The following SEPTIN10 variants were observed in gnomAD, a reference collection of about 807,000 sequenced individuals.
SEPTIN10 encodes septin-10.
A neutral mutation model predicts 54.8 loss-of-function variants in SEPTIN10; 66 were observed. The ratio of observed to expected loss-of-function variants is 1.21; its 90% CI spans 0.99 to 1.48. The LOEUF (loss-of-function observed/expected upper bound fraction) is 1.48, where lower values mean the gene tolerates loss of function less well. Among genes scored for constraint, SEPTIN10 ranks in the 40% most tolerant of loss-of-function variants. The probability of loss-of-function intolerance (pLI) is 0.00; values close to 1 mark genes in which losing one functional copy is unlikely to be tolerated. For missense variants in SEPTIN10, 620 were observed against 545.6 expected (o/e 1.14, Z -1.36); for synonymous variants, 161 against 181.0 (o/e 0.89, Z 0.89).
chr2:109,549,833 A>C (rs965647437), intron 9 of SEPTIN10, among the ~76,000 whole-genome samples: 2 of 152,226 alleles, frequency 1.3e-5, no homozygotes, highest in African/African-American at 4.8e-5. Flanking sequence ...CAATGTATGT[A>C]ATAAAAGTTG....
intron 1 of SEPTIN10, among the ~76,000 whole-genome samples, chr2:109,608,318 C>G (rs1698469288): frequency 6.6e-6 from 1 of 152,178 alleles, no homozygotes; most frequent in Non-Finnish European, 1.5e-5. Context: ...TCAATATACT[C>G]CCTACCTAAT....
chr2:109,592,797 G>A (rs542411256), intron 2 of SEPTIN10, among the ~76,000 whole-genome samples: 3 of 150,094 alleles, frequency 2.0e-5, no homozygotes, highest in South Asian at 2.1e-4. Context: ...AAAAGGAAAC[G>A]AAAAAAGAAA....
rs1223635849 is a variant in SEPTIN10, at chr2:109,585,283, A to G, written c.256T>C (p.Leu86=). The change falls in exon 4 of 11, where the codon TTG becomes CTG. Residue 86 remains leucine (L), a synonymous_variant. Transcript: ENST00000397712. ...TAGTCTTCAAAATTAGTATTAAACA[A>G]TGTGTCAATCAGTGTTGATTTTCCA... ...GIGKSTLIDT[L]FNTNFEDYES... The G allele has an allele frequency of 6.2e-7, 1 of 1,610,590 alleles. No homozygotes were observed. Among genetic ancestry groups the G allele is most frequent in the Admixed American group, 1.7e-5 (1 of 59,428 alleles).
intron 2 of SEPTIN10, among the ~76,000 whole-genome samples, chr2:109,587,736 A>G (rs1016860613): frequency 6.6e-6 from 1 of 152,022 alleles, no homozygotes; most frequent in Admixed American, 6.6e-5. Context: ...ACACGGTGAA[A>G]CCCTGTGTCT....
At chr2:109,550,475 G>T (rs1310939885) in intron 9 of SEPTIN10, among the ~76,000 whole-genome samples, 1 of 151,578 alleles carries the variant, frequency 6.6e-6, no homozygotes, top group Non-Finnish European at 1.5e-5. Flanking sequence ...CACCATGCCT[G>T]GCTAATTTTT....
At chr2:109,584,488 A>AG (rs1439136494) in intron 4 of SEPTIN10, among the ~76,000 whole-genome samples, 1 of 151,698 alleles carries the variant, frequency 6.6e-6, no homozygotes, top group African/African-American at 2.4e-5. Context: ...AAAAAAAAAA[A>AG]AAAAAAAAAT....
At chr2:109,607,189 T>C (rs1374915991) in intron 1 of SEPTIN10, among the ~76,000 whole-genome samples, 1 of 152,188 alleles carries the variant, frequency 6.6e-6, no homozygotes, top group African/African-American at 2.4e-5. Context: ...CACAAATAAT[T>C]TGTATTTTCC....
intron 2 of SEPTIN10, among the ~76,000 whole-genome samples, chr2:109,592,806 A>T (rs923214851): frequency 3.9e-5 from 6 of 152,028 alleles, no homozygotes; most frequent in African/African-American, 1.2e-4. Flanking sequence ...CGAAAAAAGA[A>T]ACAGAAAAAA....
In SEPTIN10 at chr2:109,544,214, T is replaced by A. The variant is rs1680578554; in HGVS notation, c.*95A>T. On this transcript the variant is annotated 3_prime_UTR_variant, in exon 11 of 11. Coordinates refer to ENST00000397712, the MANE Select transcript of SEPTIN10 (RefSeq NM_144710.5). ...GGCTGTTCACCAAATATAGAAGTGATAAAACAAATAACAGCAAAATCAAAG... is the reference window on the plus strand; with the variant it reads ...GGCTGTTCACCAAATATAGAAGTGAAAAAACAAATAACAGCAAAATCAAAG... 1 of 1,609,474 alleles carries A rather than the reference T, an allele frequency of 6.2e-7. No homozygotes were observed. Among genetic ancestry groups the A allele is most frequent in the Non-Finnish European group, 8.5e-7 (1 of 1,178,232 alleles).
chr2:109,585,717 G>C lies in SEPTIN10; in HGVS notation c.217+4C>G. 1 of 1,593,284 alleles carries C rather than the reference G, an allele frequency of 6.3e-7. No homozygotes were observed. Among genetic ancestry groups the C allele is most frequent in the South Asian group, 1.1e-5 (1 of 90,636 alleles). ...AACTTAGAGGAAGAGTAGGTGGCAC[G>C]TACCCACACAGAGAATATTAAAGCA... is the stretch of plus-strand genomic sequence containing the variant. On this transcript the variant is annotated splice_donor_region_variant and intron_variant, in intron 3 of 10. Coordinates refer to ENST00000397712, the MANE Select transcript of SEPTIN10 (RefSeq NM_144710.5).
chr2:109,597,047 A>C (rs1223972365), intron 1 of SEPTIN10, among the ~76,000 whole-genome samples: 5 of 152,260 alleles, frequency 3.3e-5, no homozygotes, highest in Admixed American at 2.6e-4. Flanking sequence ...TCCCAAGCTC[A>C]AGCTATCCTC....
chr2:109,565,912 A>G (rs774705965), intron 6 of SEPTIN10, 53 bp from the exon 7 acceptor site: 23 of 1,426,108 alleles, frequency 1.6e-5, no homozygotes, highest in Non-Finnish European at 2.3e-5. Context: ...AACTGACTAG[A>G]TAAAATAAAT....
At chr2:109,589,035 A>T (rs1192334046) in intron 2 of SEPTIN10, among the ~76,000 whole-genome samples, 1 of 151,602 alleles carries the variant, frequency 6.6e-6, no homozygotes, top group African/African-American at 2.4e-5. Context: ...AGTTTAAGTG[A>T]TTCTTCCACC....
intron 2 of SEPTIN10, among the ~76,000 whole-genome samples, chr2:109,588,446 C>A (rs923609265): frequency 2.6e-5 from 4 of 151,906 alleles, no homozygotes; most frequent in Non-Finnish European, 5.9e-5. Context: ...TACAGGAGGA[C>A]TGAAGGAATA....
intron 4 of SEPTIN10, among the ~76,000 whole-genome samples, chr2:109,580,135 A>C (rs1690747977): frequency 6.6e-6 from 1 of 152,198 alleles, no homozygotes; most frequent in Non-Finnish European, 1.5e-5. Flanking sequence ...AAAAGAGTAT[A>C]AGACAAGAAT....
chr2:109,598,099 G>A (rs1399002620), intron 1 of SEPTIN10, among the ~76,000 whole-genome samples: 5 of 151,930 alleles, frequency 3.3e-5, no homozygotes, highest in Admixed American at 2.0e-4. Context: ...TCTTGCTCTC[G>A]TTGCCCAGGC....
At chr2:109,589,645 T>G (rs1228565304) in intron 2 of SEPTIN10, among the ~76,000 whole-genome samples, 2 of 152,204 alleles carry the variant, frequency 1.3e-5, no homozygotes, top group African/African-American at 4.8e-5. Context: ...AATGGAATGC[T>G]GATAAATTTG....
At chr2:109,585,392 G>C in intron 3 of SEPTIN10, 71 bp from the exon 4 acceptor site, 1 of 1,307,752 alleles carries the variant, frequency 7.6e-7, no homozygotes, top group Non-Finnish European at 1.1e-6. Flanking sequence ...TAAATGCCTA[G>C]AGTGGTTTCA....
intron 1 of SEPTIN10, among the ~76,000 whole-genome samples, chr2:109,593,409 C>CTTTTTTTTTTTT (rs766138431): frequency 2.2e-5 from 3 of 133,804 alleles, no homozygotes; most frequent in African/African-American, 5.6e-5. Flanking sequence ...AGAGAAAGAA[C>CTTTTTTTTTTTT]TTTTTTTTTT....
Sources: allele counts gnomAD v4.1 joint callset (sites outside exome capture counted in the v4.1 genomes callset), GRCh38; gene constraint gnomAD v4.1.1; transcripts MANE v1.5; gene names NCBI Gene and HGNC (gene_info 2026-07-23, HGNC 2026-07-21).